Variants in VEPH1 observed in about 807,000 individuals in gnomAD.
VEPH1 encodes ventricular zone-expressed PH domain-containing protein homolog 1.
VEPH1 carries 80 observed loss-of-function variants against 85.2 expected under a neutral mutation model. The observed-to-expected ratio is 0.94, with a 90% CI of 0.78 to 1.13. The LOEUF (loss-of-function observed/expected upper bound fraction) is 1.13. VEPH1 is among the 50% of genes most tolerant of loss of function. The pLI, the probability that VEPH1 is intolerant of heterozygous loss-of-function variation, is 0.00. For synonymous variants in VEPH1, 297 were observed against 348.0 expected, an observed-to-expected ratio of 0.85 and a Z score of 1.63; for missense variants, 955 against 980.5, an observed-to-expected ratio of 0.97 and a Z score of 0.35.
chr3:157,497,567 T>C (rs1025037742), intron 1 of VEPH1, among the ~76,000 whole-genome samples: 1 of 152,180 alleles, frequency 6.6e-6, no homozygotes, highest in Non-Finnish European at 1.5e-5. Context: ...GAAAATTGGA[T>C]GGAAATGACT....
intron 9 of VEPH1, among the ~76,000 whole-genome samples, chr3:157,349,312 A>T (rs1211301836): frequency 6.6e-6 from 1 of 152,244 alleles, no homozygotes; most frequent in Non-Finnish European, 1.5e-5. Context: ...TGCAGGAAAA[A>T]CATTTGAGAA....
chr3:157,459,685 C>T, intron 4 of VEPH1: 1 of 1,389,200 alleles, frequency 7.2e-7, no homozygotes, highest in Non-Finnish European at 9.3e-7. Flanking sequence ...CAGAGGTGTA[C>T]TATTTGGCTT....
At chr3:157,482,200 T>C (rs920705709) in intron 2 of VEPH1, among the ~76,000 whole-genome samples, 1 of 146,378 alleles carries the variant, frequency 6.8e-6, no homozygotes, top group Admixed American at 6.9e-5. Context: ...TTTCCTAATA[T>C]TGTGAAAAAT....
chr3:157,269,735 A>G (rs1714292491), intron 12 of VEPH1, among the ~76,000 whole-genome samples: 1 of 147,286 alleles, frequency 6.8e-6, no homozygotes, highest in African/African-American at 2.5e-5. Flanking sequence ...CGTCCTTTTA[A>G]GCAGGTGATT....
intron 6 of VEPH1, among the ~76,000 whole-genome samples, chr3:157,389,002 A>C (rs1729581195): frequency 6.6e-6 from 1 of 152,178 alleles, no homozygotes; most frequent in African/African-American, 2.4e-5. Context: ...TATGTTCCAT[A>C]AAATTACAAC....
intron 6 of VEPH1, among the ~76,000 whole-genome samples, chr3:157,410,931 C>A (rs1054505271): frequency 6.6e-6 from 1 of 152,164 alleles, no homozygotes; most frequent in East Asian, 1.9e-4. Flanking sequence ...CTACCTTTGT[C>A]CCCTGTTTAA....
At position 157,339,587 on chromosome 3, in the gene VEPH1, C is replaced by T. The variant is rs1435502402; in HGVS notation, c.1736-22386G>A. ...GGGGACACCTCAACCTCACACTTCCCTTTGTACTCTCCCGTGTCTCTAAAT... is the reference window on the plus strand; with the variant it reads ...GGGGACACCTCAACCTCACACTTCCTTTTGTACTCTCCCGTGTCTCTAAAT... On this transcript the variant is annotated intron_variant, in intron 9 of 13. Transcript: ENST00000362010. 7.2e-5 allele frequency among the ~76,000 whole-genome samples: 11 copies of T among 152,312 alleles called. No homozygotes were observed. In the East Asian group the frequency reaches 2.1e-3, roughly 29 times the overall value.
chr3:157,429,954 T>A (rs988591299), intron 4 of VEPH1, among the ~76,000 whole-genome samples: 2 of 152,242 alleles, frequency 1.3e-5, no homozygotes, highest in African/African-American at 4.8e-5. Context: ...TTAGTCATTT[T>A]TCAGCTGACT....
intron 2 of VEPH1, among the ~76,000 whole-genome samples, chr3:157,477,215 A>G (rs1278775933): frequency 1.3e-5 from 2 of 148,494 alleles, no homozygotes; most frequent in Non-Finnish European, 3.0e-5. Flanking sequence ...AATCTGTTCT[A>G]GCTTCTAGAG....
At chr3:157,468,273 T>A (rs899201389) in intron 3 of VEPH1, among the ~76,000 whole-genome samples, 11 of 152,320 alleles carry the variant, frequency 7.2e-5, no homozygotes, top group African/African-American at 2.4e-4. Flanking sequence ...CTCTTGAACA[T>A]CTGAAGTGTG....
At chr3:157,399,253 T>G (rs1730645665) in intron 6 of VEPH1, among the ~76,000 whole-genome samples, 1 of 152,216 alleles carries the variant, frequency 6.6e-6, no homozygotes, top group South Asian at 2.1e-4. Flanking sequence ...ACCAACTCAA[T>G]ATAAGCAAAT....
At chr3:157,501,169 A>G (rs1169184648) in intron 1 of VEPH1, among the ~76,000 whole-genome samples, 1 of 152,184 alleles carries the variant, frequency 6.6e-6, no homozygotes, top group Non-Finnish European at 1.5e-5. Context: ...CATTTGAGCC[A>G]TATTTATATC....
At chr3:157,346,985 A>C (rs564915802) in intron 9 of VEPH1, among the ~76,000 whole-genome samples, 1 of 152,328 alleles carries the variant, frequency 6.6e-6, no homozygotes, top group South Asian at 2.1e-4. Flanking sequence ...TTGCAAATAA[A>C]TTCAAAATAC....
At chr3:157,381,847 G>T (rs1728820721) in intron 6 of VEPH1, among the ~76,000 whole-genome samples, 1 of 152,206 alleles carries the variant, frequency 6.6e-6, no homozygotes, top group Non-Finnish European at 1.5e-5. Flanking sequence ...TAGTTCCTCT[G>T]AGTCTGCTTC....
At chr3:157,425,128 T>C (rs1413647447) in intron 5 of VEPH1, among the ~76,000 whole-genome samples, 2 of 152,224 alleles carry the variant, frequency 1.3e-5, no homozygotes, top group African/African-American at 4.8e-5. Flanking sequence ...GGGGCCAAAG[T>C]ACAGCTCGGG....
At position 157,381,475 on chromosome 3, in the gene VEPH1, T is replaced by G. The variant is rs906545010; in HGVS notation, c.907-99A>C. On this transcript the variant is annotated intron_variant, in intron 6 of 13. Coordinates refer to ENST00000362010, the MANE Select transcript of VEPH1 (RefSeq NM_001167912.2). Reference sequence around the variant, plus strand: ...ATCCCAGCACTTTGGGAGGCTGAGGTGGGTGGATGGCTTGGAACTCCTGAT... The same window carrying G: ...ATCCCAGCACTTTGGGAGGCTGAGGGGGGTGGATGGCTTGGAACTCCTGAT... 3.3e-6 allele frequency: 4 copies of G among 1,225,476 alleles called. No homozygotes were observed. In the African/African-American group the frequency reaches 6.0e-5, roughly 18 times the overall value. 75.9% of individuals were successfully genotyped at this position (1,225,476 alleles called of 1,614,324 possible). A position where few individuals can be genotyped will look rare whatever the true frequency, so the allele number is the denominator to read the frequency against.
At chr3:157,475,139 C>T (rs767445211) in intron 2 of VEPH1, among the ~76,000 whole-genome samples, 5 of 149,652 alleles carry the variant, frequency 3.3e-5, no homozygotes, top group Admixed American at 6.7e-5. Context: ...GCCACCATTC[C>T]CAGCTAATTT....
At chr3:157,301,782 C>T (rs1212087884) in intron 11 of VEPH1, among the ~76,000 whole-genome samples, 1 of 152,156 alleles carries the variant, frequency 6.6e-6, no homozygotes, top group Non-Finnish European at 1.5e-5. Flanking sequence ...GGATGCAATC[C>T]TGAACTGGGA....
chr3:157,348,206 G>A (rs1724458207), intron 9 of VEPH1, among the ~76,000 whole-genome samples: 1 of 152,064 alleles, frequency 6.6e-6, no homozygotes, highest in African/African-American at 2.4e-5. Context: ...CCCCAAGCAG[G>A]AGGGGCATGG....
Sources: gnomAD v4.1 joint callset for allele counts (sites outside exome capture counted in the v4.1 genomes callset) on GRCh38, gnomAD v4.1.1 for gene constraint, MANE v1.5 for transcripts, NCBI Gene and HGNC (gene_info 2026-07-23, HGNC 2026-07-21) for gene names.